The following NFAM1 variants were observed in gnomAD, a reference collection of about 807,000 sequenced individuals.
The protein encoded by NFAM1 is NFAT activating protein with ITAM motif 1.
A neutral mutation model predicts 29.0 loss-of-function variants in NFAM1; 17 were observed. That is an observed-to-expected ratio of 0.59 (90% confidence interval 0.40 to 0.88). The LOEUF is 0.88. Among genes scored for constraint, NFAM1 ranks in the 40% least tolerant of loss-of-function variants. The pLI, the probability that NFAM1 is intolerant of heterozygous loss-of-function variation, is 0.00. For missense variants in NFAM1, 324 were observed against 344.6 expected, an observed-to-expected ratio of 0.94 and a Z score of 0.47; for synonymous variants, 175 against 147.2, an observed-to-expected ratio of 1.19 and a Z score of -1.36.
intron 4 of NFAM1, among the ~76,000 whole-genome samples, chr22:42,394,322 G>A (rs1929447082): frequency 6.6e-6 from 1 of 152,142 alleles, no homozygotes; most frequent in Admixed American, 6.6e-5. Context: ...ACAGGGGTAA[G>A]CCACTGCGCT....
chr22:42,386,947 A>C, intron 5 of NFAM1, 42 bp downstream of exon 5: 1 of 1,106,086 alleles, frequency 9.0e-7, no homozygotes, highest in South Asian at 1.5e-5. Context: ...GGAGGGTCAG[A>C]TGGAGCAAGA....
At chr22:42,412,982 T>C (rs938986825) in intron 1 of NFAM1, among the ~76,000 whole-genome samples, 1 of 152,074 alleles carries the variant, frequency 6.6e-6, no homozygotes, top group East Asian at 1.9e-4. Flanking sequence ...CCTGGGGGGC[T>C]CTAACCCCTG....
intron 3 of NFAM1, among the ~76,000 whole-genome samples, chr22:42,406,190 C>A (rs7291767): frequency 6.6e-6 from 1 of 152,306 alleles, no homozygotes; most frequent in East Asian, 1.9e-4. Context: ...CCTCACCCCC[C>A]GAGGGAGCAG....
chr22:42,433,180 C>A (rs738305), upstream of NFAM1, among the ~76,000 whole-genome samples: 1,293 of 152,072 alleles, frequency 8.5e-3, 32 homozygotes, highest in African/African-American at 0.03. Context: ...AGACTGGGAG[C>A]CCCTCACCCT....
chr22:42,385,760 G>A (rs1929116771), intron 5 of NFAM1, among the ~76,000 whole-genome samples: 1 of 152,224 alleles, frequency 6.6e-6, no homozygotes, highest in African/African-American at 2.4e-5. Flanking sequence ...CTGGCACAGG[G>A]TGGGCACTGC....
chr22:42,432,313 TG>T lies in NFAM1; in HGVS notation c.44del (p.Pro15HisfsTer31). On this transcript the variant is annotated frameshift_variant, in exon 1 of 6. Transcript: ENST00000329021. LOFTEE classifies it high-confidence loss of function. ...PVRWRALPGLPRPPGLPAAPW... is the reference protein window; with the variant it reads ...PVRWRALPGLXRPPGLPAAPW... Reference sequence around the variant, plus strand: ...GGGCTGCGGGGAGCCCAGGAGGGCGTGGGAGGCCTGGCAGGGCCCGCCACCT... The same window carrying T: ...GGGCTGCGGGGAGCCCAGGAGGGCGTGGAGGCCTGGCAGGGCCCGCCACCT... 1 of 1,576,478 alleles carries T rather than the reference TG, an allele frequency of 6.3e-7. No homozygotes were observed. The highest frequency in any genetic ancestry group is 8.6e-7 in the Non-Finnish European group (1 of 1,161,020).
chr22:42,431,691 T>A (rs1212078097), intron 1 of NFAM1, among the ~76,000 whole-genome samples: 1 of 152,214 alleles, frequency 6.6e-6, no homozygotes, highest in Non-Finnish European at 1.5e-5. Context: ...TCTGGTTGTG[T>A]TTCAGGAACT....
intron 3 of NFAM1, among the ~76,000 whole-genome samples, chr22:42,403,414 G>A (rs564450159): frequency 2.0e-5 from 3 of 152,340 alleles, no homozygotes; most frequent in Non-Finnish European, 2.9e-5. Flanking sequence ...CATAGTAGGT[G>A]CTCAGCTCTG....
At chr22:42,403,798 C>T (rs1356748507) in intron 3 of NFAM1, among the ~76,000 whole-genome samples, 4 of 152,202 alleles carry the variant, frequency 2.6e-5, no homozygotes, top group Non-Finnish European at 5.9e-5. Context: ...ATGGAGTAAG[C>T]TCAGGGGACC....
At chr22:42,386,124 C>T (rs1929130513) in intron 5 of NFAM1, among the ~76,000 whole-genome samples, 1 of 152,136 alleles carries the variant, frequency 6.6e-6, no homozygotes, top group Non-Finnish European at 1.5e-5. Context: ...CCTTTAATCC[C>T]AGCACTTTGG....
chr22:42,389,343 C>T (rs1316751759), intron 4 of NFAM1, among the ~76,000 whole-genome samples: 3 of 152,088 alleles, frequency 2.0e-5, no homozygotes, highest in African/African-American at 4.8e-5. Context: ...GGAGCAGCTG[C>T]GGGGCTGAGA....
chr22:42,409,374 G>A lies in NFAM1; in HGVS notation c.564+61C>T, dbSNP rs1930004285. On this transcript the variant is annotated intron_variant, in intron 3 of 5. Transcript: ENST00000329021. The surrounding 1 kb of genome is among the most constrained non-coding windows in gnomAD (Gnocchi z 4.9). Reference sequence around the variant, plus strand: ...CCACCAAACGCCCTGCAGAGGGCAGGCGGGCAGCCGGTGGCGTGTCGGGTG... The same window carrying A: ...CCACCAAACGCCCTGCAGAGGGCAGACGGGCAGCCGGTGGCGTGTCGGGTG... 4.4e-6 allele frequency: 4 copies of A among 918,288 alleles called. No individual in the cohort carries two copies. Among genetic ancestry groups the A allele is most frequent in the African/African-American group, 1.7e-5 (1 of 58,000 alleles). The allele number at this position is 918,288 out of a possible 1,614,324, so 56.9% of individuals were successfully genotyped here.
chr22:42,411,087 C>T (rs559475613), intron 2 of NFAM1, among the ~76,000 whole-genome samples: 9 of 139,350 alleles, frequency 6.5e-5, no homozygotes, highest in Admixed American at 3.1e-4. Flanking sequence ...TGCAATGGTG[C>T]GATCTAGGCT....
At chr22:42,410,532 A>G in intron 2 of NFAM1, 1 of 323,904 alleles carries the variant, frequency 3.1e-6, no homozygotes, top group Non-Finnish European at 6.3e-6. Context: ...GGTGGTGGAC[A>G]TCTGTAATCC....
Position 42,432,381 on chromosome 22 carries a change from G to A in NFAM1, c.-24C>T, listed in dbSNP as rs935786465. 9.0e-6 allele frequency: 14 copies of A among 1,547,492 alleles called. No individual in the cohort carries two copies. The highest frequency in any genetic ancestry group is 1.7e-4 in the Middle Eastern group (1 of 5,778). On this transcript the variant is annotated 5_prime_UTR_variant, in exon 1 of 6. Coordinates refer to ENST00000329021, the MANE Select transcript of NFAM1 (RefSeq NM_145912.8). ...ATCTGGGGGCCTGCTTGTCTGCGGC[G>A]ACTCTTTAGTTCACAGGAGGGGACG...
chr22:42,418,135 C>T (rs1037246334), intron 1 of NFAM1, among the ~76,000 whole-genome samples: 3 of 152,158 alleles, frequency 2.0e-5, no homozygotes, highest in East Asian at 3.9e-4. Context: ...TGAGCGGGGG[C>T]GTTTGGGAAA....
intron 1 of NFAM1, among the ~76,000 whole-genome samples, chr22:42,412,605 A>C (rs1303638096): frequency 6.6e-6 from 1 of 152,200 alleles, no homozygotes; most frequent in Non-Finnish European, 1.5e-5. Flanking sequence ...ATGGATGAGA[A>C]ATAAAGAAGG....
chr22:42,431,332 G>A (rs1011801815), intron 1 of NFAM1, among the ~76,000 whole-genome samples: 1 of 152,190 alleles, frequency 6.6e-6, no homozygotes, highest in Non-Finnish European at 1.5e-5. Context: ...GAGAGGGGGT[G>A]CAGCAGGACA....
chr22:42,420,879 T>G (rs1319051700), intron 1 of NFAM1, among the ~76,000 whole-genome samples: 4 of 152,164 alleles, frequency 2.6e-5, no homozygotes, highest in Non-Finnish European at 5.9e-5. Context: ...TTCCTTAAAC[T>G]TGGGTCATCT....
Sources: gnomAD v4.1 joint callset for allele counts (sites outside exome capture counted in the v4.1 genomes callset) on GRCh38, gnomAD v4.1.1 for gene constraint, Gnocchi (gnomAD v3.1) non-coding constraint, MANE v1.5 for transcripts, NCBI Gene and HGNC (gene_info 2026-07-23, HGNC 2026-07-21) for gene names.